Variants in KAZN observed in about 807,000 individuals in gnomAD.
KAZN encodes kazrin, periplakin interacting protein.
Under a neutral mutation model 87.4 loss-of-function variants are expected in KAZN, and 40 were observed. The ratio of observed to expected loss-of-function variants is 0.46; its 90% CI spans 0.36 to 0.60. The LOEUF (loss-of-function observed/expected upper bound fraction) is 0.60, where lower values mean the gene tolerates loss of function less well. Ranked by LOEUF, KAZN falls within the 20% of genes least tolerant of loss-of-function variation. The pLI, the probability that KAZN is intolerant of heterozygous loss-of-function variation, is 0.00. For missense variants in KAZN, 898 were observed against 1,073.9 expected (o/e 0.84, Z 2.29); for synonymous variants, 466 against 458.3 (o/e 1.02, Z -0.22).
chr1:14,381,021 T>A (rs1422641572), intron 2 of KAZN, among the ~76,000 whole-genome samples: 2 of 152,130 alleles, frequency 1.3e-5, no homozygotes, highest in African/African-American at 4.8e-5. Context: ...TCCTTCCCAT[T>A]CTTCCCTCCC....
At chr1:14,901,309 C>T (rs1209802224) in intron 1 of KAZN, among the ~76,000 whole-genome samples, 1 of 152,054 alleles carries the variant, frequency 6.6e-6, no homozygotes, top group Admixed American at 6.6e-5. Context: ...AGCTTAGTTA[C>T]GGGATAACAA....
At position 15,065,644 on chromosome 1, in the gene KAZN, TGAA is replaced by T; in HGVS notation, c.1116_1118del (p.Glu372del). 6.2e-7 allele frequency: 1 copy of T among 1,613,338 alleles called. No individual in the cohort carries two copies. Among genetic ancestry groups the T allele is most frequent in the Non-Finnish European group, 8.5e-7 (1 of 1,179,554 alleles). On this transcript the variant is annotated inframe_deletion, in exon 8 of 15. Transcript: ENST00000376030. ...TGACTCCTCAGTCACTAGAGGATCT[TGAA>T]GACCAAAAACGGAAAAAGAAGAAAG...
At chr1:14,463,091 A>T (rs1667939820) in intron 2 of KAZN, among the ~76,000 whole-genome samples, 2 of 152,214 alleles carry the variant, frequency 1.3e-5, no homozygotes, top group Non-Finnish European at 2.9e-5. Context: ...ACTTTTAATT[A>T]CATGCAAATT....
At chr1:14,177,031 G>C (rs565664875) in intron 1 of KAZN, among the ~76,000 whole-genome samples, 33 of 152,200 alleles carry the variant, frequency 2.2e-4, no homozygotes, top group African/African-American at 7.5e-4. Context: ...GGTGGTGCGT[G>C]CCTGTAGTCC....
At chr1:14,536,724 A>T (rs1672524057) in intron 2 of KAZN, among the ~76,000 whole-genome samples, 1 of 152,172 alleles carries the variant, frequency 6.6e-6, no homozygotes, top group Non-Finnish European at 1.5e-5. Context: ...TCTACTAAAA[A>T]TACAAAAATT....
chr1:14,572,163 A>G (rs779595447), intron 2 of KAZN, among the ~76,000 whole-genome samples: 1 of 152,066 alleles, frequency 6.6e-6, no homozygotes, highest in Non-Finnish European at 1.5e-5. Context: ...CTTTAGAATA[A>G]CTCAGTAGGT....
intron 2 of KAZN, among the ~76,000 whole-genome samples, chr1:14,381,023 T>C (rs1328181076): frequency 6.6e-6 from 1 of 152,204 alleles, no homozygotes; most frequent in Non-Finnish European, 1.5e-5. Context: ...CTTCCCATTC[T>C]TCCCTCCCCT....
At chr1:13,919,449 C>T (rs77479277) in intron 1 of KAZN, among the ~76,000 whole-genome samples, 229 of 152,310 alleles carry the variant, frequency 1.5e-3, no homozygotes, top group African/African-American at 5.3e-3. Context: ...AATATGTCTA[C>T]ACTTAATGGT....
Position 14,664,450 on chromosome 1 carries a change from C to T in KAZN, c.226+65227C>T, listed in dbSNP as rs189500199. 6.6e-5 allele frequency among the ~76,000 whole-genome samples: 10 copies of T among 152,180 alleles called. No homozygotes were observed. The East Asian group carries it at 9.7e-4, about 15-fold the overall frequency. On this transcript the variant is annotated intron_variant, in intron 1 of 14. Transcript: ENST00000376030. The stretch of plus-strand genomic sequence containing the variant: ...TCTGCCTCAAAAGGAAGTAGAATGG[C>T]GGTTGCCAGGGGCAACCATGTTGAT...
rs897482295 is a variant in KAZN at position 14,949,020 on chromosome 1, T to A, written c.227-11664T>A. 2.0e-5 allele frequency among the ~76,000 whole-genome samples: 3 copies of A among 151,888 alleles called. No homozygotes were observed. The highest frequency in any genetic ancestry group is 2.9e-5 in the Non-Finnish European group (2 of 67,986). The stretch of plus-strand genomic sequence containing the variant: ...AAAAATACAAACATTAGAAGGGCGT[T>A]GTAGCACATGCCTGTAATCCCAGCT... On this transcript the variant is annotated intron_variant, in intron 1 of 14. Transcript: ENST00000376030. The surrounding 1 kb of genome is among the most constrained non-coding windows in gnomAD (Gnocchi z 4.3).
chr1:14,479,092 C>T (rs1571751027), intron 2 of KAZN, among the ~76,000 whole-genome samples: 1 of 152,196 alleles, frequency 6.6e-6, no homozygotes, highest in African/African-American at 2.4e-5. Context: ...GGCTTCTATC[C>T]TCATTAGTTC....
chr1:14,191,232 G>A (rs1646414149), intron 2 of KAZN, among the ~76,000 whole-genome samples: 2 of 152,156 alleles, frequency 1.3e-5, no homozygotes, highest in Admixed American at 6.5e-5. Context: ...GATTGGCTGA[G>A]GTGAGACTGA....
At chr1:14,049,329 GC>G (rs1323989853) in intron 1 of KAZN, among the ~76,000 whole-genome samples, 4 of 151,632 alleles carry the variant, frequency 2.6e-5, no homozygotes, top group African/African-American at 9.8e-5. Flanking sequence ...GGTGGGGGGA[GC>G]GGGGAGGGAT....
upstream of KAZN, among the ~76,000 whole-genome samples, chr1:14,597,347 TA>T (rs879717178): frequency 6.6e-5 from 10 of 152,146 alleles, no homozygotes; most frequent in Non-Finnish European, 1.2e-4. Flanking sequence ...AGACTGTTTT[TA>T]TGGTTCCACA....
intron 7 of KAZN, among the ~76,000 whole-genome samples, chr1:15,063,823 C>T (rs904834281): frequency 7.4e-6 from 1 of 134,900 alleles, no homozygotes; most frequent in African/African-American, 3.9e-5. Flanking sequence ...CACATCCATG[C>T]CGCACACCCA....
At chr1:14,945,889 C>T in intron 1 of KAZN, 1 of 985,454 alleles carries the variant, frequency 1.0e-6, no homozygotes, top group Non-Finnish European at 1.2e-6. Flanking sequence ...TTTCCTGTCG[C>T]CTCCATGGAG....
intron 1 of KAZN, among the ~76,000 whole-genome samples, chr1:14,161,485 T>C (rs1444101336): frequency 6.6e-6 from 1 of 152,248 alleles, no homozygotes; most frequent in Non-Finnish European, 1.5e-5. Flanking sequence ...TGGACCTTTT[T>C]ACAAAGTTGC....
Position 13,996,585 on chromosome 1 carries a change from C to G in KAZN, c.91+102829C>G, listed in dbSNP as rs553298722. On this transcript the variant is annotated intron_variant, in intron 1 of 16. Transcript: ENST00000636203. ...AGCCCAACACACCGGCTGTGGCAGA[C>G]TGCAGCCAGAGTGCCTCTTCAGGCC... is the stretch of plus-strand genomic sequence containing the variant. 1.3e-3 allele frequency among the ~76,000 whole-genome samples: 201 copies of G among 152,354 alleles called. 1 individual carries two copies. Among genetic ancestry groups the G allele is most frequent in the African/African-American group, 4.7e-3 (195 of 41,586 alleles).
intron 1 of KAZN, among the ~76,000 whole-genome samples, chr1:13,983,016 G>T (rs900963399): frequency 6.6e-6 from 1 of 152,212 alleles, no homozygotes; most frequent in Admixed American, 6.5e-5. Context: ...TAGATACAGA[G>T]TGCCCATTGG....
Sources: allele counts gnomAD v4.1 joint callset (sites outside exome capture counted in the v4.1 genomes callset), GRCh38; gene constraint gnomAD v4.1.1; non-coding constraint Gnocchi (gnomAD v3.1); transcripts MANE v1.5; gene names NCBI Gene and HGNC (gene_info 2026-07-23, HGNC 2026-07-21).